The following RRN3 variants were observed in gnomAD, a reference collection of about 807,000 sequenced individuals.
RRN3 encodes RNA polymerase I-specific transcription initiation factor RRN3.
In RRN3, 38 loss-of-function variants were observed where a neutral mutation model predicts 82.3. The ratio of observed to expected loss-of-function variants is 0.46; its 90% CI spans 0.36 to 0.61. RRN3 has a LOEUF of 0.61. Ranked by LOEUF, RRN3 falls within the 20% of genes least tolerant of loss-of-function variation. The pLI is 0.00. For synonymous variants in RRN3, 284 were observed against 284.3 expected (o/e 1.00, Z 0.01); for missense variants, 726 against 793.1 (o/e 0.92, Z 1.02).
chr16:15,079,783 G>C (rs982756823), intron 9 of RRN3, among the ~76,000 whole-genome samples: 12 of 152,250 alleles, frequency 7.9e-5, no homozygotes, highest in Admixed American at 3.9e-4. Context: ...TTTTTATAGA[G>C]ACGGGGTTTC....
chr16:15,085,587 G>C, intron 6 of RRN3, 52 bp downstream of exon 6: 2 of 1,595,124 alleles, frequency 1.3e-6, no homozygotes, highest in East Asian at 2.2e-5. Context: ...CAAAGTGCTG[G>C]GATTATGGGT....
At chr16:15,077,057 G>A (rs967820153) in intron 9 of RRN3, among the ~76,000 whole-genome samples, 2 of 149,348 alleles carry the variant, frequency 1.3e-5, no homozygotes, top group African/African-American at 2.5e-5. Flanking sequence ...TCGGCTCACC[G>A]CAAACTCCGC....
intron 3 of RRN3, among the ~76,000 whole-genome samples, chr16:15,087,987 G>A (rs2045974964): frequency 6.6e-6 from 1 of 152,088 alleles, no homozygotes; most frequent in Admixed American, 6.6e-5. Flanking sequence ...GGTGGTGCAT[G>A]CCCGTAATCC....
At chr16:15,083,403 A>G in intron 8 of RRN3, 110 bp downstream of exon 8, 1 of 1,489,924 alleles carries the variant, frequency 6.7e-7, no homozygotes, top group Non-Finnish European at 9.0e-7. Flanking sequence ...GGTCTCAAAA[A>G]AGAAAAAGAA....
chr16:15,065,587 G>A (rs2044935249), intron 15 of RRN3, among the ~76,000 whole-genome samples: 1 of 152,062 alleles, frequency 6.6e-6, no homozygotes, highest in South Asian at 2.1e-4. Context: ...AAGAAAACGT[G>A]GCTATCACTC....
rs556744197 is a variant in RRN3, at chr16:15,060,689, T to C, written c.*1055A>G. 34 of 152,398 alleles carry C rather than the reference T, an allele frequency of 2.2e-4. No individual in the cohort carries two copies. The highest frequency in any genetic ancestry group is 8.2e-4 in the African/African-American group (34 of 41,566). 9.4% of individuals were successfully genotyped at this position (152,398 alleles called of 1,614,324 possible). A position where few individuals can be genotyped will look rare whatever the true frequency, so the allele number is the denominator to read the frequency against. On this transcript the variant is annotated 3_prime_UTR_variant, in exon 18 of 18. Transcript: ENST00000198767. ...GACTTCCTCTGTTTAGTTATAAAAA[T>C]ACAAAAAGAGGCTTTAGAGAAGGAT...
chr16:15,087,131 T>C (rs998237275), intron 3 of RRN3, among the ~76,000 whole-genome samples: 4 of 152,172 alleles, frequency 2.6e-5, no homozygotes, highest in Non-Finnish European at 5.9e-5. Flanking sequence ...CATGCATATA[T>C]ACTGCACAGG....
At chr16:15,089,538 C>T (rs375836108) in intron 3 of RRN3, among the ~76,000 whole-genome samples, 201 of 152,226 alleles carry the variant, frequency 1.3e-3, no homozygotes, top group Middle Eastern at 3.4e-3. Flanking sequence ...TGGTTACTCA[C>T]GCCTCTAATC....
intron 1 of RRN3, among the ~76,000 whole-genome samples, chr16:15,093,399 T>C (rs1177280361): frequency 1.3e-5 from 2 of 152,178 alleles, no homozygotes; most frequent in Non-Finnish European, 2.9e-5. Context: ...CCCTCCCCCA[T>C]TACCTTGTTG....
intron 16 of RRN3, 36 bp downstream of exon 16, chr16:15,065,183 C>G (rs753698481): frequency 6.5e-7 from 1 of 1,528,394 alleles, no homozygotes; most frequent in East Asian, 2.3e-5. Context: ...AAAAAAAAAT[C>G]CACCTCCTCC....
intron 9 of RRN3, among the ~76,000 whole-genome samples, chr16:15,078,639 C>T (rs572967011): frequency 1.2e-4 from 19 of 152,202 alleles, no homozygotes; most frequent in African/African-American, 4.6e-4. Context: ...CCCCATACTT[C>T]TGATCACCCT....
Position 15,068,201 on chromosome 16 carries a change from G to A in RRN3, c.1521C>T (p.Pro507=), listed in dbSNP as rs779057571. The A allele has an allele frequency of 7.5e-6, 12 of 1,596,362 alleles. No individual in the cohort carries two copies. In the Admixed American group the frequency reaches 2.1e-4, roughly 27 times the overall value. Residue 507 remains proline (P), a synonymous_variant, in exon 15 of 18, where the codon CCC becomes CCT. Coordinates refer to ENST00000198767, the MANE Select transcript of RRN3 (RefSeq NM_018427.5). ...TTGCAGCAAAAAAGTTAACCACTGA[G>A]GGCAGGCAAATCTTCAGGGGATTTA... The part of the protein sequence containing the change: ...SQLNPLKICL[P]SVVNFFAAIT...
chr16:15,084,472 G>C (rs540543818), intron 7 of RRN3, among the ~76,000 whole-genome samples, 170 bp downstream of exon 7: 9 of 152,146 alleles, frequency 5.9e-5, no homozygotes, highest in South Asian at 2.1e-4. Context: ...AGAATAAATA[G>C]AAAATGGAAA....
At chr16:15,062,317 G>A (rs1567181728) in intron 17 of RRN3, among the ~76,000 whole-genome samples, 2 of 152,172 alleles carry the variant, frequency 1.3e-5, no homozygotes, top group African/African-American at 4.8e-5. Flanking sequence ...CTTGCCCAGT[G>A]TTAGGAACTC....
chr16:15,081,374 G>T (rs1305598034), intron 8 of RRN3, among the ~76,000 whole-genome samples: 1 of 152,108 alleles, frequency 6.6e-6, no homozygotes, highest in Non-Finnish European at 1.5e-5. Context: ...CCATATCCTT[G>T]TGAACACTTG....
intron 2 of RRN3, among the ~76,000 whole-genome samples, chr16:15,091,836 G>C (rs187789085): frequency 1.3e-5 from 2 of 152,278 alleles, no homozygotes; most frequent in African/African-American, 4.8e-5. Context: ...CCTACTCAGA[G>C]AACTGGTTTA....
chr16:15,065,572 G>T (rs1389263724), intron 15 of RRN3, among the ~76,000 whole-genome samples: 2 of 152,156 alleles, frequency 1.3e-5, no homozygotes, highest in African/African-American at 4.8e-5. Context: ...AGTTTGCTAA[G>T]GAGAAAGAAA....
At chr16:15,071,950 G>A (rs1407380554) in intron 12 of RRN3, among the ~76,000 whole-genome samples, 1 of 152,178 alleles carries the variant, frequency 6.6e-6, no homozygotes, top group Non-Finnish European at 1.5e-5. Flanking sequence ...ACTCCTGTGA[G>A]TGCAAAGCAC....
chr16:15,072,613 GC>G (rs1281948767), intron 12 of RRN3, among the ~76,000 whole-genome samples: 2 of 152,092 alleles, frequency 1.3e-5, no homozygotes, highest in Non-Finnish European at 2.9e-5. Flanking sequence ...GACCAGTATG[GC>G]CAACGTGGCG....
Sources: gnomAD v4.1 joint callset for allele counts (sites outside exome capture counted in the v4.1 genomes callset) on GRCh38, gnomAD v4.1.1 for gene constraint, MANE v1.5 for transcripts, NCBI Gene and HGNC (gene_info 2026-07-23, HGNC 2026-07-21) for gene names.